The following RSRC1 variants were observed in gnomAD, a reference collection of about 807,000 sequenced individuals.
RSRC1 encodes the protein serine/Arginine-related protein 53.
A neutral mutation model predicts 49.1 loss-of-function variants in RSRC1; 39 were observed. The observed-to-expected ratio is 0.79, with a 90% CI of 0.61 to 1.04. The LOEUF (loss-of-function observed/expected upper bound fraction) is 1.04, where lower values mean the gene tolerates loss of function less well. Ranked by LOEUF, RSRC1 falls within the 50% of genes least tolerant of loss-of-function variation. The pLI is 0.00. For missense variants in RSRC1, 388 were observed against 402.4 expected, an observed-to-expected ratio of 0.96 and a Z score of 0.31; for synonymous variants, 143 against 130.8, an observed-to-expected ratio of 1.09 and a Z score of -0.63.
In RSRC1 at chr3:158,174,963, T is replaced by C. The variant is rs142394027; in HGVS notation, c.321-28109T>C. The stretch of plus-strand genomic sequence containing the variant: ...TGGTATATGAGAGTTCTCTGTGCTC[T>C]ACATCCCTGCCAACATTTGCTATTG... On this transcript the variant is annotated intron_variant, in intron 3 of 9. Coordinates refer to ENST00000611884, the MANE Select transcript of RSRC1 (RefSeq NM_001271838.2). Among the ~76,000 whole-genome samples, 4 of 152,218 alleles carry C rather than the reference T, an allele frequency of 2.6e-5. No homozygotes were observed. The East Asian group carries it at 5.8e-4, about 22-fold the overall frequency.
intron 7 of RSRC1, among the ~76,000 whole-genome samples, chr3:158,475,725 T>TCTCTCTCTCTC (rs1354269516): frequency 2.7e-5 from 1 of 37,004 alleles, no homozygotes; most frequent in Non-Finnish European, 5.4e-5. Context: ...TGGCTATTCC[T>TCTCTCTCTCTC]CTCTCTCTCT....
intron 3 of RSRC1, among the ~76,000 whole-genome samples, chr3:158,131,005 C>T (rs561079315): frequency 1.3e-5 from 2 of 152,130 alleles, no homozygotes; most frequent in African/African-American, 4.8e-5. Context: ...ATTGCAGTGT[C>T]TAGGATCTAC....
At chr3:158,330,644 T>A (rs1334752311) in intron 5 of RSRC1, among the ~76,000 whole-genome samples, 1 of 152,144 alleles carries the variant, frequency 6.6e-6, no homozygotes, top group Non-Finnish European at 1.5e-5. Context: ...TTCTAAGGAA[T>A]TTTCTGAATA....
chr3:158,112,190 G>C (rs1158869922), intron 1 of RSRC1, among the ~76,000 whole-genome samples: 18 of 152,186 alleles, frequency 1.2e-4, no homozygotes, highest in Admixed American at 1.2e-3. Flanking sequence ...AAAAGCCTGT[G>C]CTCCATTCAT....
At chr3:158,509,480 T>C (rs1578558306) in intron 7 of RSRC1, among the ~76,000 whole-genome samples, 2 of 152,176 alleles carry the variant, frequency 1.3e-5, no homozygotes, top group African/African-American at 2.4e-5. Flanking sequence ...CACATCTGTA[T>C]ATATTACCAA....
chr3:158,453,006 A>G (rs568667470), intron 6 of RSRC1, among the ~76,000 whole-genome samples: 1 of 152,270 alleles, frequency 6.6e-6, no homozygotes, highest in South Asian at 2.1e-4. Context: ...GATATGCTAC[A>G]TATGGTTATT....
chr3:158,487,949 GAAAAAA>G lies in RSRC1; in HGVS notation c.652+26966_652+26971del, dbSNP rs58689210. Among the ~76,000 whole-genome samples, 219 of 28,920 alleles carry G rather than the reference GAAAAAA, an allele frequency of 7.6e-3. 3 individuals are homozygous for G. In the East Asian group the frequency reaches 0.17, roughly 22 times the overall value. The allele number at this position is 28,920 out of a possible 152,430, so 19.0% of individuals were successfully genotyped here. On this transcript the variant is annotated intron_variant, in intron 7 of 9. Coordinates refer to ENST00000611884, the MANE Select transcript of RSRC1 (RefSeq NM_001271838.2). ...TAGGAGACAAGAGACTCCATCTCAA[GAAAAAA>G]AAAAAAAAAAAAAAAAAAACTGGCT...
intron 6 of RSRC1, among the ~76,000 whole-genome samples, chr3:158,457,562 C>G (rs941999358): frequency 1.3e-5 from 2 of 152,076 alleles, no homozygotes; most frequent in Non-Finnish European, 2.9e-5. Flanking sequence ...ATATGTGTTA[C>G]AATTTAGACC....
intron 3 of RSRC1, among the ~76,000 whole-genome samples, chr3:158,200,206 T>A (rs1169185395): frequency 6.6e-6 from 1 of 151,916 alleles, no homozygotes; most frequent in Non-Finnish European, 1.5e-5. Context: ...CCCAGCTAAT[T>A]TTTTGTATTT....
intron 4 of RSRC1, among the ~76,000 whole-genome samples, chr3:158,258,601 A>G (rs1256492072): frequency 6.6e-6 from 1 of 151,998 alleles, no homozygotes; most frequent in African/African-American, 2.4e-5. Flanking sequence ...GGTTTGGGAA[A>G]TTCTCTGTTT....
chr3:158,496,699 C>T, intron 7 of RSRC1: 1 of 227,552 alleles, frequency 4.4e-6, no homozygotes, highest in Non-Finnish European at 9.4e-6. Context: ...ATGTTTGCAT[C>T]CAGCTTTGGT....
chr3:158,321,086 C>A (rs1728727629), intron 5 of RSRC1, among the ~76,000 whole-genome samples: 1 of 151,942 alleles, frequency 6.6e-6, no homozygotes, highest in African/African-American at 2.4e-5. Context: ...ATGCATGATA[C>A]CCATATTAAA....
At chr3:158,473,957 A>G (rs966819625) in intron 7 of RSRC1, among the ~76,000 whole-genome samples, 4 of 152,314 alleles carry the variant, frequency 2.6e-5, no homozygotes, top group Non-Finnish European at 4.4e-5. Context: ...ATTATTATCT[A>G]TTAAGTCTAT....
chr3:158,372,636 A>G (rs1457089900), intron 6 of RSRC1, among the ~76,000 whole-genome samples: 3 of 151,756 alleles, frequency 2.0e-5, no homozygotes, highest in Non-Finnish European at 3.0e-5. Flanking sequence ...ATTCTTTTCC[A>G]TTTCGATATA....
intron 4 of RSRC1, among the ~76,000 whole-genome samples, chr3:158,240,089 G>A (rs1163870598): frequency 1.3e-5 from 2 of 152,018 alleles, no homozygotes; most frequent in African/African-American, 4.8e-5. Context: ...ATTTATTTAT[G>A]AGTTTTAAAA....
intron 3 of RSRC1, among the ~76,000 whole-genome samples, chr3:158,135,332 C>T (rs1052068603): frequency 2.0e-5 from 3 of 151,086 alleles, no homozygotes; most frequent in African/African-American, 7.3e-5. Flanking sequence ...TGCAGTGGCG[C>T]AACCTCGGCT....
At chr3:158,509,170 T>G (rs1228622430) in intron 7 of RSRC1, among the ~76,000 whole-genome samples, 1 of 152,212 alleles carries the variant, frequency 6.6e-6, no homozygotes, top group Admixed American at 6.5e-5. Context: ...GAGTTCATTT[T>G]TGTGTAGGAT....
chr3:158,355,452 T>C (rs1731104766), intron 6 of RSRC1, among the ~76,000 whole-genome samples: 1 of 151,850 alleles, frequency 6.6e-6, no homozygotes, highest in South Asian at 2.1e-4. Context: ...AATGTTTAGG[T>C]TGAGATTTTC....
At chr3:158,395,663 G>A (rs149424389) in intron 6 of RSRC1, among the ~76,000 whole-genome samples, 3,372 of 151,904 alleles carry the variant, frequency 0.022, 53 homozygotes, top group Non-Finnish European at 0.036. Context: ...CTATTATTAC[G>A]AATTTAAAAA....
Sources: gnomAD v4.1 joint callset for allele counts (sites outside exome capture counted in the v4.1 genomes callset) on GRCh38, gnomAD v4.1.1 for gene constraint, MANE v1.5 for transcripts, NCBI Gene and HGNC (gene_info 2026-07-23, HGNC 2026-07-21) for gene names.